Variants in CASK observed in about 807,000 individuals in gnomAD.
CASK encodes peripheral plasma membrane protein CASK.
A neutral mutation model predicts 82.9 loss-of-function variants in CASK; 4 were observed. That is an observed-to-expected ratio of 0.05 (90% CI 0.02 to 0.11). The LOEUF is 0.11. CASK is among the 10% of genes least tolerant of loss of function. The pLI is 1.00. For missense variants in CASK, 358 were observed against 720.9 expected (o/e 0.50, Z 5.76); for synonymous variants, 259 against 253.5 (o/e 1.02, Z -0.20).
chrX:41,692,718 A>C (rs1022885897), intron 5 of CASK, among the ~76,000 whole-genome samples: 1 of 111,931 alleles, frequency 8.9e-6, no homozygotes, highest in African/African-American at 3.3e-5. Flanking sequence ...GCTGCTGTGG[A>C]TCAAACACTG....
intron 5 of CASK, among the ~76,000 whole-genome samples, chrX:41,711,390 T>C (rs2067975142): frequency 8.9e-6 from 1 of 111,982 alleles, no homozygotes; most frequent in South Asian, 3.8e-4. Flanking sequence ...CCTTCCAAAC[T>C]ATGAATTGGT....
chrX:41,865,668 G>A (rs898887148), intron 1 of CASK, among the ~76,000 whole-genome samples: 4 of 111,450 alleles, frequency 3.6e-5, no homozygotes, highest in African/African-American at 9.8e-5. Context: ...CTTGATGACA[G>A]GATCTTCTAT....
intron 2 of CASK, among the ~76,000 whole-genome samples, chrX:41,797,773 T>C (rs900541503): frequency 2.7e-5 from 3 of 111,711 alleles, no homozygotes; most frequent in Non-Finnish European, 5.6e-5. Flanking sequence ...AGATTCCCAA[T>C]CTAGCAATCT....
At chrX:41,663,461 C>A (rs141927757) in intron 7 of CASK, among the ~76,000 whole-genome samples, 1,379 of 112,326 alleles carry the variant, frequency 0.012, 13 homozygotes, top group Non-Finnish European at 0.019. Context: ...CTGCCACCAT[C>A]CATCTGACTT....
intron 8 of CASK, among the ~76,000 whole-genome samples, chrX:41,652,694 C>T (rs750025545): frequency 4.0e-4 from 45 of 111,934 alleles, no homozygotes; most frequent in South Asian, 2.6e-3. Context: ...AGGGAGTTTC[C>T]GGATAGCTGC....
rs759671365 is a variant in CASK, at chrX:41,752,652, G to A, written c.279-7051C>T. ...ATCAAAACTTGTACAGGATTGGTACGTTACATTTCAAGATCAGGGTTTTGC... is the reference window on the plus strand; with the variant it reads ...ATCAAAACTTGTACAGGATTGGTACATTACATTTCAAGATCAGGGTTTTGC... On this transcript the variant is annotated intron_variant, in intron 3 of 26. Transcript: ENST00000378163. 2.7e-5 allele frequency among the ~76,000 whole-genome samples: 3 copies of A among 111,528 alleles called. No homozygotes were observed. The South Asian group carries it at 1.1e-3, about 42-fold the overall frequency.
At chrX:41,749,938 C>T (rs1169647138) in intron 3 of CASK, among the ~76,000 whole-genome samples, 1 of 110,758 alleles carries the variant, frequency 9.0e-6, no homozygotes. Flanking sequence ...TTTCCCTGTA[C>T]ATGTTATATT....
At chrX:41,821,158 G>A (rs2070531368) in intron 2 of CASK, among the ~76,000 whole-genome samples, 1 of 111,441 alleles carries the variant, frequency 9.0e-6, no homozygotes, top group Non-Finnish European at 1.9e-5. Flanking sequence ...TACAAACTGG[G>A]AAAACATATT....
chrX:41,597,513 G>C (rs909581424), intron 12 of CASK, among the ~76,000 whole-genome samples: 1 of 112,614 alleles, frequency 8.9e-6, no homozygotes, highest in Admixed American at 9.4e-5. Flanking sequence ...ATTACACTGT[G>C]TAGCAATAAT....
chrX:41,644,023 T>C (rs1209437177), intron 8 of CASK, among the ~76,000 whole-genome samples: 3 of 112,242 alleles, frequency 2.7e-5, no homozygotes, highest in Non-Finnish European at 5.6e-5. Flanking sequence ...CTGCATCTAT[T>C]GAGGTAATCA....
intron 2 of CASK, among the ~76,000 whole-genome samples, chrX:41,803,431 T>C (rs961212763): frequency 9.1e-6 from 1 of 110,241 alleles, no homozygotes; most frequent in Non-Finnish European, 1.9e-5. Context: ...CTACTAAAAA[T>C]ATTAAAAAAA....
At chrX:41,675,853 G>T (rs768028207) in intron 5 of CASK, 2 of 1,200,357 alleles carry the variant, frequency 1.7e-6, no homozygotes, top group South Asian at 3.5e-5. Context: ...TTATTAGCAT[G>T]CTGTCTTTGT....
chrX:41,617,003 C>T (rs1293619382), intron 11 of CASK, among the ~76,000 whole-genome samples: 1 of 112,260 alleles, frequency 8.9e-6, no homozygotes, highest in African/African-American at 3.2e-5. Context: ...GAGGAAGGGG[C>T]TCTCAGACTG....
intron 1 of CASK, among the ~76,000 whole-genome samples, chrX:41,900,855 C>T (rs751800786): frequency 9.6e-6 from 1 of 103,977 alleles, no homozygotes; most frequent in African/African-American, 3.6e-5. Context: ...AAGCAATTCT[C>T]CTGCCTCAGC....
At chrX:41,548,645 C>T (rs1385549214) in intron 21 of CASK, among the ~76,000 whole-genome samples, 1 of 111,371 alleles carries the variant, frequency 9.0e-6, no homozygotes, top group Non-Finnish European at 1.9e-5. Flanking sequence ...TAAAGGCTTG[C>T]TTTGGGGATT....
chrX:41,631,921 A>G (rs1343185423), intron 9 of CASK, among the ~76,000 whole-genome samples: 1 of 110,832 alleles, frequency 9.0e-6, no homozygotes, highest in Non-Finnish European at 1.9e-5. Context: ...CAGTTTTTAG[A>G]ATTAAGGTCC....
intron 11 of CASK, among the ~76,000 whole-genome samples, chrX:41,618,514 G>A (rs2066235887): frequency 9.0e-6 from 1 of 111,296 alleles, no homozygotes; most frequent in Admixed American, 9.6e-5. Flanking sequence ...TGTTGCCCAG[G>A]CTATTCTCAA....
At chrX:41,741,540 T>G (rs2068597665) in intron 4 of CASK, among the ~76,000 whole-genome samples, 1 of 111,769 alleles carries the variant, frequency 8.9e-6, no homozygotes, top group Admixed American at 9.6e-5. Flanking sequence ...AAAATTCCTA[T>G]CTCAAAGTCT....
chrX:41,600,079 G>A lies in CASK; in HGVS notation c.1155+9825C>T, dbSNP rs751296497. ...GAGTTAAATGATATTTACATTAAAT[G>A]AACATACAATTATTAATGTGCTGCT... is the stretch of plus-strand genomic sequence containing the variant. On this transcript the variant is annotated intron_variant, in intron 12 of 26. Transcript: ENST00000378163. Among the ~76,000 whole-genome samples, 4 of 111,747 alleles carry A rather than the reference G, an allele frequency of 3.6e-5. No homozygotes were observed. In the South Asian group the frequency reaches 1.1e-3, roughly 31 times the overall value.
Sources: allele counts gnomAD v4.1 joint callset (sites outside exome capture counted in the v4.1 genomes callset), GRCh38; gene constraint gnomAD v4.1.1; transcripts MANE v1.5; gene names NCBI Gene and HGNC (gene_info 2026-07-23, HGNC 2026-07-21).